The following NUBPL variants were observed in gnomAD, a reference collection of about 807,000 sequenced individuals.
NUBPL encodes NUBP iron-sulfur cluster assembly factor, mitochondrial.
Under a neutral mutation model 45.7 loss-of-function variants are expected in NUBPL, and 31 were observed. The observed-to-expected ratio is 0.68, with a 90% CI of 0.51 to 0.92. The LOEUF is 0.92. Ranked by LOEUF, NUBPL falls within the 40% of genes least tolerant of loss-of-function variation. The probability of loss-of-function intolerance (pLI) is 0.00; values close to 1 mark genes in which losing one functional copy is unlikely to be tolerated. For missense variants in NUBPL, 401 were observed against 398.7 expected, an observed-to-expected ratio of 1.01 and a Z score of -0.05; for synonymous variants, 144 against 140.9, an observed-to-expected ratio of 1.02 and a Z score of -0.15.
At chr14:31,564,116 A>C (rs1038255561) in intron 2 of NUBPL, among the ~76,000 whole-genome samples, 1 of 152,200 alleles carries the variant, frequency 6.6e-6, no homozygotes, top group South Asian at 2.1e-4. Context: ...CTGTAAGGAA[A>C]TGTGATTCAC....
intron 8 of NUBPL, among the ~76,000 whole-genome samples, chr14:31,835,209 A>G (rs1372868522): frequency 6.6e-6 from 1 of 152,214 alleles, no homozygotes. Context: ...GGCTCAAATC[A>G]GGCCTGCCCT....
chr14:31,822,541 T>G, intron 7 of NUBPL, among the ~76,000 whole-genome samples: 1 of 152,186 alleles, frequency 6.6e-6, no homozygotes, highest in Non-Finnish European at 1.5e-5. Context: ...GGTAGTGATT[T>G]ATGTGTGAGC....
At chr14:31,645,586 T>C (rs1404506860) in intron 4 of NUBPL, among the ~76,000 whole-genome samples, 1 of 152,208 alleles carries the variant, frequency 6.6e-6, no homozygotes, top group Non-Finnish European at 1.5e-5. Context: ...CTGAGTTTTC[T>C]CTGGTAGTAT....
chr14:31,595,023 A>G (rs541603306), intron 3 of NUBPL, among the ~76,000 whole-genome samples: 5 of 152,360 alleles, frequency 3.3e-5, no homozygotes, highest in South Asian at 2.1e-4. Flanking sequence ...GGAACATATC[A>G]TGAAGCTTTA....
intron 10 of NUBPL, among the ~76,000 whole-genome samples, chr14:31,857,414 A>G (rs1371022874): frequency 1.3e-5 from 2 of 152,088 alleles, no homozygotes; most frequent in Admixed American, 1.3e-4. Flanking sequence ...CGTTTTCCCC[A>G]TTGTCTTGGG....
At chr14:31,739,044 A>T (rs2038220169) in intron 6 of NUBPL, among the ~76,000 whole-genome samples, 2 of 151,166 alleles carry the variant, frequency 1.3e-5, no homozygotes, top group South Asian at 4.2e-4. Flanking sequence ...ATGGAGTCTC[A>T]TTCTTGTCAC....
At chr14:31,604,945 G>A (rs189380147) in intron 4 of NUBPL, among the ~76,000 whole-genome samples, 9 of 152,270 alleles carry the variant, frequency 5.9e-5, no homozygotes, top group Admixed American at 5.9e-4. Context: ...TAGCCAGTTT[G>A]TAGAAAGGGC....
At chr14:31,816,623 G>A (rs1266742257) in intron 7 of NUBPL, among the ~76,000 whole-genome samples, 1 of 152,006 alleles carries the variant, frequency 6.6e-6, no homozygotes, top group South Asian at 2.1e-4. Context: ...TGTGATGTTA[G>A]GGTGTCGATT....
intron 3 of NUBPL, among the ~76,000 whole-genome samples, chr14:31,569,521 T>A (rs1289530922): frequency 1.3e-5 from 2 of 152,214 alleles, no homozygotes; most frequent in Non-Finnish European, 2.9e-5. Context: ...AAAAGCATTA[T>A]AGGAATAGGG....
chr14:31,812,218 GT>G (rs945781393), intron 7 of NUBPL, among the ~76,000 whole-genome samples: 2 of 152,174 alleles, frequency 1.3e-5, no homozygotes, highest in Admixed American at 6.5e-5. Flanking sequence ...TTTCTGCTGC[GT>G]TTTGTTCAGC....
intron 4 of NUBPL, among the ~76,000 whole-genome samples, chr14:31,639,402 C>T (rs190282379): frequency 1.4e-4 from 21 of 152,308 alleles, no homozygotes; most frequent in Non-Finnish European, 2.2e-4. Flanking sequence ...CAGCGGATTT[C>T]GTGAACCGCA....
intron 9 of NUBPL, among the ~76,000 whole-genome samples, chr14:31,846,953 CAA>C (rs1191004180): frequency 2.2e-5 from 3 of 136,470 alleles, no homozygotes; most frequent in Admixed American, 7.4e-5. Context: ...GAGACTCCAT[CAA>C]AAAAAAAACA....
intron 6 of NUBPL, among the ~76,000 whole-genome samples, chr14:31,719,440 T>A (rs1171346732): frequency 6.6e-6 from 1 of 151,746 alleles, no homozygotes; most frequent in African/African-American, 2.4e-5. Flanking sequence ...ATAAATTAAA[T>A]GGGAAATAAT....
intron 4 of NUBPL, among the ~76,000 whole-genome samples, chr14:31,640,478 G>A (rs1164779841): frequency 6.6e-6 from 1 of 151,914 alleles, no homozygotes; most frequent in Non-Finnish European, 1.5e-5. Flanking sequence ...ATTAGGGCAT[G>A]GTGGTGAATA....
rs4981862 is a variant in NUBPL at position 31,604,459 on chromosome 14, G to T, written c.382+5080G>T. Among the ~76,000 whole-genome samples, 3 of 152,328 alleles carry T rather than the reference G, an allele frequency of 2.0e-5. No individual in the cohort carries two copies. In the East Asian group the frequency reaches 5.8e-4, roughly 29 times the overall value. On this transcript the variant is annotated intron_variant, in intron 4 of 10. Transcript: ENST00000281081. ...TAACAATAAAGAGAAACTATGAAAG[G>T]CTTGTTTCCAGCAGTTCAGGTTTTG...
At chr14:31,720,130 A>G (rs1046869482) in intron 6 of NUBPL, among the ~76,000 whole-genome samples, 3 of 152,120 alleles carry the variant, frequency 2.0e-5, no homozygotes, top group Non-Finnish European at 2.9e-5. Context: ...TTTTACTTTG[A>G]TTTATTCTCA....
intron 4 of NUBPL, chr14:31,654,201 C>T (rs2036084292): frequency 2.7e-6 from 1 of 371,200 alleles, no homozygotes; most frequent in Non-Finnish European, 5.6e-6. Flanking sequence ...TACTGTAGTC[C>T]ATGAAGTGTG....
chr14:31,827,584 CTG>C (rs1453328251), intron 8 of NUBPL, among the ~76,000 whole-genome samples: 1 of 152,170 alleles, frequency 6.6e-6, no homozygotes, highest in East Asian at 1.9e-4. Context: ...TGATGCTTCT[CTG>C]TGGCTGGCTA....
chr14:31,737,700 C>G (rs757136215), intron 6 of NUBPL, among the ~76,000 whole-genome samples: 1 of 152,148 alleles, frequency 6.6e-6, no homozygotes, highest in Non-Finnish European at 1.5e-5. Context: ...ACAAGAATCG[C>G]TTGCACCTGG....
Sources: gnomAD v4.1 joint callset for allele counts (sites outside exome capture counted in the v4.1 genomes callset) on GRCh38, gnomAD v4.1.1 for gene constraint, MANE v1.5 for transcripts, NCBI Gene and HGNC (gene_info 2026-07-23, HGNC 2026-07-21) for gene names.